Variants in ANK3 observed in about 807,000 individuals in gnomAD.
The protein encoded by ANK3 is ankyrin 3.
Under a neutral mutation model 370.9 loss-of-function variants are expected in ANK3, and 57 were observed. The ratio of observed to expected loss-of-function variants is 0.15; its 90% CI spans 0.12 to 0.19. The LOEUF is 0.19. Ranked by LOEUF, ANK3 falls within the 10% of genes least tolerant of loss-of-function variation. The probability of loss-of-function intolerance (pLI) is 1.00; values close to 1 mark genes in which losing one functional copy is unlikely to be tolerated. For synonymous variants in ANK3, 1,929 were observed against 1,946.3 expected (o/e 0.99, Z 0.23); for missense variants, 4,439 against 5,302.1 (o/e 0.84, Z 5.06).
intron 1 of ANK3, among the ~76,000 whole-genome samples, chr10:60,672,317 T>C (rs952243732): frequency 1.3e-5 from 2 of 152,288 alleles, no homozygotes; most frequent in African/African-American, 4.8e-5. Context: ...AGGTGACTCT[T>C]AGAGGGCCAC....
At chr10:60,470,770 G>C (rs2065198066) in intron 2 of ANK3, among the ~76,000 whole-genome samples, 1 of 151,734 alleles carries the variant, frequency 6.6e-6, no homozygotes, top group Admixed American at 6.6e-5. Context: ...AGAGTAGAGA[G>C]GTAATCTAAT....
At chr10:60,288,297 G>T (rs1238822585) in intron 1 of ANK3, among the ~76,000 whole-genome samples, 1 of 152,052 alleles carries the variant, frequency 6.6e-6, no homozygotes, top group African/African-American at 2.4e-5. Context: ...TCTCGCTCTG[G>T]ACTCCAACAG....
intron 8 of ANK3, among the ~76,000 whole-genome samples, chr10:60,223,577 T>C (rs780886905): frequency 1.3e-5 from 2 of 152,196 alleles, no homozygotes; most frequent in African/African-American, 2.4e-5. Context: ...AATGAATGAA[T>C]GGAGTGAGTG....
intron 2 of ANK3, among the ~76,000 whole-genome samples, chr10:60,457,233 G>A (rs1191453166): frequency 6.6e-6 from 1 of 152,128 alleles, no homozygotes; most frequent in African/African-American, 2.4e-5. Context: ...GTGGATACCA[G>A]GAATGGGTAG....
intron 2 of ANK3, among the ~76,000 whole-genome samples, chr10:60,584,017 T>C (rs1234887855): frequency 6.6e-6 from 1 of 152,204 alleles, no homozygotes; most frequent in Non-Finnish European, 1.5e-5. Flanking sequence ...AAAATATGTA[T>C]GATTATGTGT....
At chr10:60,698,849 A>G (rs991924204) in intron 1 of ANK3, among the ~76,000 whole-genome samples, 2 of 151,224 alleles carry the variant, frequency 1.3e-5, no homozygotes, top group Non-Finnish European at 2.9e-5. Flanking sequence ...ACATGTATAC[A>G]TATGTAACTA....
At chr10:60,160,681 T>C (rs1429808089) in intron 23 of ANK3, among the ~76,000 whole-genome samples, 1 of 151,906 alleles carries the variant, frequency 6.6e-6, no homozygotes, top group Non-Finnish European at 1.5e-5. Context: ...TATAACAACA[T>C]AGTAGAAAGA....
intron 18 of ANK3, among the ~76,000 whole-genome samples, chr10:60,174,733 CAG>C (rs1170416635): frequency 1.3e-5 from 2 of 152,044 alleles, no homozygotes; most frequent in African/African-American, 4.8e-5. Context: ...ATAGTTGAGA[CAG>C]GGTTGTTTAT....
chr10:60,463,228 G>A (rs1567061008), intron 2 of ANK3, among the ~76,000 whole-genome samples: 1 of 152,146 alleles, frequency 6.6e-6, no homozygotes, highest in African/African-American at 2.4e-5. Flanking sequence ...AGCTAAGAAA[G>A]TTCTTTCCTC....
chr10:60,470,623 T>C (rs1427538237), intron 2 of ANK3, among the ~76,000 whole-genome samples: 2 of 152,044 alleles, frequency 1.3e-5, no homozygotes, highest in African/African-American at 4.8e-5. Context: ...TGGTCAGTGA[T>C]AGGCACAGGA....
intron 1 of ANK3, among the ~76,000 whole-genome samples, chr10:60,361,833 T>A (rs945589732): frequency 1.1e-4 from 17 of 152,238 alleles, no homozygotes; most frequent in Admixed American, 3.3e-4. Flanking sequence ...TTGTACATAG[T>A]TCTTCAGACT....
At chr10:60,340,370 G>A (rs906950411) in intron 1 of ANK3, among the ~76,000 whole-genome samples, 19 of 152,012 alleles carry the variant, frequency 1.2e-4, no homozygotes, top group African/African-American at 4.6e-4. Context: ...AGTAGCTGGG[G>A]CTACAAGTTG....
intron 2 of ANK3, among the ~76,000 whole-genome samples, chr10:60,559,166 G>T (rs1477446658): frequency 6.6e-6 from 1 of 152,012 alleles, no homozygotes; most frequent in Non-Finnish European, 1.5e-5. Flanking sequence ...GGTGGTGTTT[G>T]GTTACATTAA....
At chr10:60,397,130 G>A (rs118166378) in intron 2 of ANK3, among the ~76,000 whole-genome samples, 364 of 151,230 alleles carry the variant, frequency 2.4e-3, no homozygotes, top group Non-Finnish European at 2.7e-3. Flanking sequence ...ATATAAGAAA[G>A]CAAAGGATCT....
chr10:60,146,342 T>G (rs1019090348), intron 23 of ANK3, among the ~76,000 whole-genome samples: 1 of 152,248 alleles, frequency 6.6e-6, no homozygotes, highest in Admixed American at 6.5e-5. Flanking sequence ...TGTGCAGGTT[T>G]GTAACATGGG....
chr10:60,276,277 T>C (rs559396272), intron 4 of ANK3, among the ~76,000 whole-genome samples: 7 of 152,304 alleles, frequency 4.6e-5, no homozygotes, highest in Admixed American at 3.9e-4. Context: ...CAGGTTAAAA[T>C]TTCATGTCAA....
intron 1 of ANK3, among the ~76,000 whole-genome samples, chr10:60,700,142 G>A (rs545542115): frequency 4.7e-4 from 72 of 152,184 alleles, no homozygotes; most frequent in Non-Finnish European, 9.1e-4. Flanking sequence ...GGCTAGGGTA[G>A]AGAGCATTTT....
At chr10:60,211,052 G>C (rs1055940813) in intron 9 of ANK3, among the ~76,000 whole-genome samples, 1 of 152,098 alleles carries the variant, frequency 6.6e-6, no homozygotes, top group Non-Finnish European at 1.5e-5. Context: ...CACACTGCTG[G>C]GAATAAAAAG....
intron 6 of ANK3, among the ~76,000 whole-genome samples, chr10:60,262,473 C>T (rs1250559916): frequency 6.6e-6 from 1 of 152,116 alleles, no homozygotes; most frequent in African/African-American, 2.4e-5. Flanking sequence ...ATGAAGAATC[C>T]ACAAGTTAAT....
Sources: allele counts gnomAD v4.1 joint callset (sites outside exome capture counted in the v4.1 genomes callset), GRCh38; gene constraint gnomAD v4.1.1; transcripts MANE v1.5; gene names NCBI Gene and HGNC (gene_info 2026-07-23, HGNC 2026-07-21).